Variants in STX16 observed in about 807,000 individuals in gnomAD.
The protein encoded by STX16 is syntaxin 16.
In STX16, 28 loss-of-function variants were observed where a neutral mutation model predicts 42.7. The ratio of observed to expected loss-of-function variants is 0.66; its 90% CI spans 0.49 to 0.90. STX16 has a LOEUF of 0.90. STX16 is among the 40% of genes least tolerant of loss of function. STX16 has a pLI of 0.00. For missense variants in STX16, 361 were observed against 420.9 expected (o/e 0.86, Z 1.24); for synonymous variants, 156 against 155.2 (o/e 1.00, Z -0.04).
rs761239333 is a variant in STX16 at position 58,669,275 on chromosome 20, G to A, written c.394-16G>A. On this transcript the variant is annotated splice_polypyrimidine_tract_variant and intron_variant, in intron 4 of 8. Transcript: ENST00000371141. The stretch of plus-strand genomic sequence containing the variant: ...CTCTCCCAGGCTTGCCCTGAGCCTC[G>A]GGCTTGTTCTCTTAGCTCTTCCACA... 12 of 1,607,976 alleles carry A rather than the reference G, an allele frequency of 7.5e-6. No homozygotes were observed. The highest frequency in any genetic ancestry group is 2.7e-5 in the African/African-American group (2 of 74,780).
chr20:58,652,213 GTCTC>G, intron 1 of STX16, 75 bp downstream of exon 1: 3 of 1,587,210 alleles, frequency 1.9e-6, no homozygotes, highest in Middle Eastern at 1.7e-4. Context: ...GTCTCTGTCT[GTCTC>G]TCTGTTTAAA....
chr20:58,669,036 A>G (rs924072931), intron 4 of STX16, among the ~76,000 whole-genome samples: 9 of 152,320 alleles, frequency 5.9e-5, no homozygotes, highest in Middle Eastern at 3.4e-3. Flanking sequence ...CGGATGAGGG[A>G]TACTCAGCCT....
chr20:58,654,781 G>A (rs2083551092), intron 1 of STX16, among the ~76,000 whole-genome samples: 1 of 152,184 alleles, frequency 6.6e-6, no homozygotes, highest in Non-Finnish European at 1.5e-5. Flanking sequence ...TTTTATTAGA[G>A]ATGCCTACTG....
chr20:58,662,036 TC>T (rs2083712297), intron 2 of STX16, among the ~76,000 whole-genome samples: 1 of 152,174 alleles, frequency 6.6e-6, no homozygotes, highest in African/African-American at 2.4e-5. Context: ...AGTAAGGTGT[TC>T]CCTGAGGAGG....
chr20:58,663,719 A>C (rs1419568665), intron 2 of STX16, among the ~76,000 whole-genome samples: 1 of 152,138 alleles, frequency 6.6e-6, no homozygotes, highest in East Asian at 1.9e-4. Flanking sequence ...TGTCTTAATA[A>C]AAGGCTGGAG....
intron 2 of STX16, among the ~76,000 whole-genome samples, chr20:58,665,287 G>T (rs1167302859): frequency 6.6e-6 from 1 of 152,198 alleles, no homozygotes; most frequent in Non-Finnish European, 1.5e-5. Flanking sequence ...CTCACTGGCG[G>T]CCTGTCCTAT....
intron 1 of STX16, chr20:58,652,389 C>G (rs1300793186): frequency 1.7e-6 from 1 of 601,022 alleles, no homozygotes; most frequent in African/African-American, 1.8e-5. Flanking sequence ...CCCCGCACCC[C>G]CCGCCTTGGC....
intron 2 of STX16, among the ~76,000 whole-genome samples, chr20:58,661,773 A>T (rs1306119202): frequency 6.6e-6 from 1 of 152,218 alleles, no homozygotes; most frequent in Admixed American, 6.5e-5. Flanking sequence ...TTTGAAGCTG[A>T]CGCAGGGCCT....
At position 58,678,890 on chromosome 20, in the gene STX16, C is replaced by T. The variant is rs2084204732; in HGVS notation, c.*2599C>T. 1 of 152,258 alleles carries T rather than the reference C, an allele frequency of 6.6e-6. No homozygotes were observed. The highest frequency in any genetic ancestry group is 2.1e-4 in the South Asian group (1 of 4,832). 9.4% of individuals were successfully genotyped at this position (152,258 alleles called of 1,614,324 possible). On this transcript the variant is annotated 3_prime_UTR_variant, in exon 9 of 9. Coordinates refer to ENST00000371141, the MANE Select transcript of STX16 (RefSeq NM_001001433.3). Reference sequence around the variant, plus strand: ...TTGTCTGTGGGCACCTCATGTTTTTCCACACTCTACTGGGCCGTGGAGGTA... The same window carrying T: ...TTGTCTGTGGGCACCTCATGTTTTTTCACACTCTACTGGGCCGTGGAGGTA...
rs779196742 is a variant in STX16 at position 58,673,731 on chromosome 20, T to G, written c.873+20T>G. 3 of 1,554,964 alleles carry G rather than the reference T, an allele frequency of 1.9e-6. No individual in the cohort carries two copies. Among genetic ancestry groups the G allele is most frequent in the Admixed American group, 3.4e-5 (2 of 59,608 alleles). ...CACAAGGTAATATGTCTTTCAAGAC[T>G]TGGGAATCTTAGGAACTATTTTCAA... On this transcript the variant is annotated intron_variant, in intron 8 of 8. Transcript: ENST00000371141.
At position 58,679,244 on chromosome 20, in the gene STX16, T is replaced by C. The variant is rs1298703982; in HGVS notation, c.*2953T>C. ...ACGGATTCACTGTTTTCTCTGCTAA[T>C]TGAGAGAGCGTTATTTACATTATTT... On this transcript the variant is annotated 3_prime_UTR_variant, in exon 9 of 9. Transcript: ENST00000371141. 5.9e-5 allele frequency: 9 copies of C among 152,566 alleles called. No individual in the cohort carries two copies. Among genetic ancestry groups the C allele is most frequent in the Non-Finnish European group, 1.3e-4 (9 of 68,034 alleles). The allele number at this position is 152,566 out of a possible 1,614,324, so 9.5% of individuals were successfully genotyped here. A position where few individuals can be genotyped will look rare whatever the true frequency, so the allele number is the denominator to read the frequency against.
chr20:58,658,417 T>TA (rs2083626147), intron 1 of STX16, among the ~76,000 whole-genome samples: 2 of 152,246 alleles, frequency 1.3e-5, no homozygotes, highest in Non-Finnish European at 2.9e-5. Context: ...AGGGTGTGTA[T>TA]AGAGTTCTTT....
In STX16 at chr20:58,651,979, C is replaced by A; in HGVS notation, c.-28C>A. On this transcript the variant is annotated 5_prime_UTR_variant, in exon 1 of 9. The change creates a new upstream start codon in the 5' untranslated region. Coordinates refer to ENST00000371141, the MANE Select transcript of STX16 (RefSeq NM_001001433.3). ...AGGAATATAAGTGGGCGGGGGGCCC[C>A]TGAGAGGGGGGTCGCAAAGGGTGAG... 6.2e-7 allele frequency: 1 copy of A among 1,612,550 alleles called. No individual in the cohort carries two copies.
intron 5 of STX16, 89 bp from the exon 6 acceptor site, chr20:58,670,423 A>T: frequency 9.9e-7 from 1 of 1,014,548 alleles, no homozygotes; most frequent in Non-Finnish European, 1.5e-6. Flanking sequence ...TGACTGTTGG[A>T]GTTTACTCTA....
rs566791076 is a variant in STX16, at chr20:58,666,514, C to T, written c.145-976C>T. Among the ~76,000 whole-genome samples the T allele has an allele frequency of 9.3e-5, 14 of 150,418 alleles. No individual in the cohort carries two copies. The South Asian group carries it at 1.7e-3, about 18-fold the overall frequency. ...TACGATCATGGCTCACTGCGACCTT[C>T]GCCTCTTGGGTTCAAGGGATTCTCC... On this transcript the variant is annotated intron_variant, in intron 2 of 8. Coordinates refer to ENST00000371141, the MANE Select transcript of STX16 (RefSeq NM_001001433.3).
chr20:58,655,872 T>C (rs1172138225), intron 1 of STX16, among the ~76,000 whole-genome samples: 1 of 152,210 alleles, frequency 6.6e-6, no homozygotes, highest in East Asian at 1.9e-4. Flanking sequence ...CTTTTTTGTG[T>C]TCTTAGTTGT....
At chr20:58,670,375 G>A in intron 5 of STX16, 137 bp from the exon 6 acceptor site, 1 of 643,040 alleles carries the variant, frequency 1.6e-6, no homozygotes, top group Non-Finnish European at 2.7e-6. Context: ...CCCCATTGGA[G>A]ATAGGCTTCT....
At position 58,651,724 on chromosome 20, in the gene STX16, G is replaced by C; in HGVS notation, c.-283G>C. ...TGGATTGGGGTGGGGTCTCTGGGACGTTGGATCGCTACGCAAGGATTGGGG... is the reference window on the plus strand; with the variant it reads ...TGGATTGGGGTGGGGTCTCTGGGACCTTGGATCGCTACGCAAGGATTGGGG... On this transcript the variant is annotated 5_prime_UTR_variant, in exon 1 of 9. Coordinates refer to ENST00000371141, the MANE Select transcript of STX16 (RefSeq NM_001001433.3). The C allele has an allele frequency of 2.9e-6, 1 of 339,034 alleles. No individual in the cohort carries two copies. Among genetic ancestry groups the C allele is most frequent in the African/African-American group, 2.1e-5 (1 of 47,526 alleles). 21.0% of individuals were successfully genotyped at this position (339,034 alleles called of 1,614,324 possible). A position where few individuals can be genotyped will look rare whatever the true frequency, so the allele number is the denominator to read the frequency against.
intron 1 of STX16, among the ~76,000 whole-genome samples, chr20:58,655,257 T>G (rs1322807894): frequency 6.6e-6 from 1 of 152,158 alleles, no homozygotes; most frequent in Non-Finnish European, 1.5e-5. Flanking sequence ...GCTGCAGAAA[T>G]TAATTGCAGA....
Sources: gnomAD v4.1 joint callset for allele counts (sites outside exome capture counted in the v4.1 genomes callset) on GRCh38, gnomAD v4.1.1 for gene constraint, MANE v1.5 for transcripts, NCBI Gene and HGNC (gene_info 2026-07-23, HGNC 2026-07-21) for gene names.